The following ZNF468 variants were observed in gnomAD, a reference collection of about 807,000 sequenced individuals.
ZNF468 encodes the protein zinc finger protein 468, also known as zinc finger protein ZNF468.
In ZNF468, 8 loss-of-function variants were observed where a neutral mutation model predicts 7.2. The ratio of observed to expected loss-of-function variants is 1.11; its 90% confidence interval spans 0.65 to 2.01. The LOEUF (loss-of-function observed/expected upper bound fraction) is 2.01, where lower values mean the gene tolerates loss of function less well. Ranked by LOEUF, ZNF468 falls within the 30% of genes most tolerant of loss-of-function variation. The probability of loss-of-function intolerance (pLI) is 0.00; values close to 1 mark genes in which losing one functional copy is unlikely to be tolerated. For missense variants in ZNF468, 608 were observed against 626.5 expected (o/e 0.97, Z 0.31); for synonymous variants, 218 against 214.4 (o/e 1.02, Z -0.15).
chr19:52,851,035 G>A lies in ZNF468; in HGVS notation c.16-1822C>T, dbSNP rs144255596. Among the ~76,000 whole-genome samples, 419 of 152,108 alleles carry A rather than the reference G, an allele frequency of 2.8e-3. 1 individual carries two copies. The highest frequency in any genetic ancestry group is 2.8e-3 in the Non-Finnish European group (188 of 68,028). ...TGTCTGTAATCCCAGAATTCTGTGCGACTGAAGCAGACAGATCACCTGAGG... is the reference window on the plus strand; with the variant it reads ...TGTCTGTAATCCCAGAATTCTGTGCAACTGAAGCAGACAGATCACCTGAGG... On this transcript the variant is annotated intron_variant, in intron 2 of 3. Transcript: ENST00000595646.
chr19:52,841,907 C>T lies in ZNF468; in HGVS notation c.387G>A (p.Arg129=), dbSNP rs373657914. Residue 129 remains arginine (R), a synonymous_variant, in exon 4 of 4, where the codon AGG becomes AGA. Transcript: ENST00000595646. ...CTTTAATACGCTTGTTTCCAGCATG[C>T]CTTTGATCATGTTGGCCTGTACTAC... ...LAGSTGQHDQ[R]HAGNKRIKDQ... The T allele has an allele frequency of 4.5e-5, 72 of 1,613,934 alleles. No individual in the cohort carries two copies. The highest frequency in any genetic ancestry group is 1.6e-4 in the Middle Eastern group (1 of 6,084).
Position 52,841,619 on chromosome 19 carries a change from AT to A in ZNF468, c.674del (p.Asn225IlefsTer6). 1 of 1,614,002 alleles carries A rather than the reference AT, an allele frequency of 6.2e-7. No homozygotes were observed. Among genetic ancestry groups the A allele is most frequent in the African/African-American group, 1.3e-5 (1 of 75,004 alleles). On this transcript the variant is annotated frameshift_variant, in exon 4 of 4. Transcript: ENST00000595646. LOFTEE classifies it low-confidence loss of function (END_TRUNC). ...FECIQSFKSFNCSSLLKKHQI... is the reference protein window; with the variant it reads ...FECIQSFKSFXCSSLLKKHQI... ...GATGTTTTTTTAAGAGTGAGCTGCA[AT>A]TAAAGGATTTGAAGCTCTGTATACA...
chr19:52,843,855 C>A (rs1218720519), intron 3 of ZNF468, among the ~76,000 whole-genome samples: 2 of 152,154 alleles, frequency 1.3e-5, no homozygotes, highest in Non-Finnish European at 2.9e-5. Flanking sequence ...GGTGCAGTGG[C>A]ACATGCCTGT....
intron 2 of ZNF468, among the ~76,000 whole-genome samples, chr19:52,850,190 A>C (rs1315861319): frequency 6.6e-6 from 1 of 152,168 alleles, no homozygotes; most frequent in Non-Finnish European, 1.5e-5. Context: ...GTTTAATGAA[A>C]GAGGAATCTC....
chr19:52,843,386 C>A (rs1046134293), intron 3 of ZNF468, among the ~76,000 whole-genome samples: 2 of 151,968 alleles, frequency 1.3e-5, no homozygotes, highest in African/African-American at 4.8e-5. Flanking sequence ...GCATGTGCCA[C>A]CATGCCCAGC....
chr19:52,845,707 G>A (rs1270626218), intron 3 of ZNF468, among the ~76,000 whole-genome samples: 1 of 151,606 alleles, frequency 6.6e-6, no homozygotes, highest in African/African-American at 2.4e-5. Context: ...CTCCAGTAAA[G>A]GTAAATAAAA....
intron 2 of ZNF468, among the ~76,000 whole-genome samples, chr19:52,852,824 A>C (rs1177974345): frequency 6.6e-6 from 1 of 151,286 alleles, no homozygotes; most frequent in Admixed American, 6.6e-5. Flanking sequence ...AAGTAAAGTA[A>C]AAAAATATAT....
At chr19:52,842,395 C>G (rs61425250) in intron 3 of ZNF468, among the ~76,000 whole-genome samples, 1 of 151,666 alleles carries the variant, frequency 6.6e-6, no homozygotes, top group Admixed American at 6.6e-5. Flanking sequence ...GGCACAAACA[C>G]GTGTGAGTCT....
intron 1 of ZNF468, among the ~76,000 whole-genome samples, 166 bp from the exon 2 acceptor site, chr19:52,854,511 G>A (rs8113354): frequency 0.018 from 2,745 of 152,088 alleles, 103 homozygotes; most frequent in African/African-American, 0.063. Context: ...TCTCCTCCTG[G>A]AGAAGCCCAC....
In ZNF468 at chr19:52,838,423, C is replaced by T. The variant is rs556897340; in HGVS notation, c.*2302G>A. On this transcript the variant is annotated 3_prime_UTR_variant, in exon 4 of 4. Coordinates refer to ENST00000595646, the MANE Select transcript of ZNF468 (RefSeq NM_001008801.2). ...CAATCAGGGAAAACGGAATGCTTTTCCTGTAGGATCTCACATGATGCAAGA... is the reference window on the plus strand; with the variant it reads ...CAATCAGGGAAAACGGAATGCTTTTTCTGTAGGATCTCACATGATGCAAGA... 1 of 152,302 alleles carries T rather than the reference C, an allele frequency of 6.6e-6. No homozygotes were observed. Among genetic ancestry groups the T allele is most frequent in the Admixed American group, 6.5e-5 (1 of 15,300 alleles). The allele number at this position is 152,302 out of a possible 1,614,324, so 9.4% of individuals were successfully genotyped here. A position where few individuals can be genotyped will look rare whatever the true frequency, so the allele number is the denominator to read the frequency against.
At chr19:52,848,262 C>T (rs1196919548) in intron 3 of ZNF468, among the ~76,000 whole-genome samples, 1 of 152,034 alleles carries the variant, frequency 6.6e-6, no homozygotes, top group Non-Finnish European at 1.5e-5. Flanking sequence ...TCCTTTGCTC[C>T]AATATGGAGA....
intron 1 of ZNF468, among the ~76,000 whole-genome samples, chr19:52,856,637 T>C (rs922487611): frequency 5.6e-5 from 8 of 142,962 alleles, no homozygotes; most frequent in Non-Finnish European, 7.9e-5. Context: ...CGGCTCCACA[T>C]CCCTCCTCCT....
rs781265507 is a variant in ZNF468, at chr19:52,841,451, A to T, written c.843T>A (p.Gly281=). The change falls in exon 4 of 4, where the codon GGT becomes GGA. Residue 281 remains glycine, a synonymous_variant. Transcript: ENST00000595646. ...TGTGAATGAAGAGGGATGAATTATG[A>T]CCAAAGGTCTTGCCACACTCATTAC... ...YKCNECGKTF[G]HNSSLFIHKA... is the part of the protein sequence containing the mutation. The T allele has an allele frequency of 1.4e-5, 23 of 1,614,030 alleles. No homozygotes were observed. Among genetic ancestry groups the T allele is most frequent in the Non-Finnish European group, 1.9e-5 (22 of 1,179,964 alleles).
chr19:52,852,858 G>A (rs1318956162), intron 2 of ZNF468, among the ~76,000 whole-genome samples: 1 of 133,464 alleles, frequency 7.5e-6, no homozygotes, highest in Non-Finnish European at 1.6e-5. Flanking sequence ...AATTTACAAT[G>A]GAATTTTTTT....
In ZNF468 at chr19:52,838,819, C is replaced by T. The variant is rs2063269667; in HGVS notation, c.*1906G>A. 1 of 152,030 alleles carries T rather than the reference C, an allele frequency of 6.6e-6. No homozygotes were observed. The highest frequency in any genetic ancestry group is 1.5e-5 in the Non-Finnish European group (1 of 67,998). 9.4% of individuals were successfully genotyped at this position (152,030 alleles called of 1,614,324 possible). A position where few individuals can be genotyped will look rare whatever the true frequency, so the allele number is the denominator to read the frequency against. ...TACCTTGAAATCTATAAACATTGAT[C>T]AAAATGATTAAAAACATGTATAAAT... is the stretch of plus-strand genomic sequence containing the variant. On this transcript the variant is annotated 3_prime_UTR_variant, in exon 4 of 4. Coordinates refer to ENST00000595646, the MANE Select transcript of ZNF468 (RefSeq NM_001008801.2).
Position 52,840,724 on chromosome 19 carries a change from A to G in ZNF468, c.*1T>C. 6.2e-7 allele frequency: 1 copy of G among 1,613,338 alleles called. No individual in the cohort carries two copies. Among genetic ancestry groups the G allele is most frequent in the Non-Finnish European group, 8.5e-7 (1 of 1,179,750 alleles). On this transcript the variant is annotated 3_prime_UTR_variant, in exon 4 of 4. Transcript: ENST00000595646. ...AAGGTCTTGCCACACTCATTACACT[A>G]TTAAGGCTTCTCTCCACTATGAAGC... is the stretch of plus-strand genomic sequence containing the variant.
intron 1 of ZNF468, among the ~76,000 whole-genome samples, chr19:52,854,740 T>C (rs1600537034): frequency 6.6e-6 from 1 of 151,394 alleles, no homozygotes; most frequent in Admixed American, 6.6e-5. Flanking sequence ...AATACAAAAA[T>C]TGGGCCGGGC....
Position 52,841,009 on chromosome 19 carries a change from G to T in ZNF468, c.1285C>A (p.His429Asn). 6.2e-7 allele frequency: 1 copy of T among 1,613,080 alleles called. No individual in the cohort carries two copies. Among genetic ancestry groups the T allele is most frequent in the Admixed American group, 1.7e-5 (1 of 59,820 alleles). ...TTCTCTCCAGTATGAATCCTCCTGT[G>T]TCTTTCCAGGTTTGATTTGCGACTG... ...VFSRKSNLER[H>N]RRIHTGEKPY... is the part of the protein sequence containing the mutation. Residue 429 changes from histidine to asparagine, a missense_variant, in exon 4 of 4, where the codon CAC (histidine) becomes AAC (asparagine). Physicochemically the swap from His to Asn is moderately conservative, Grantham distance 68. Transcript: ENST00000595646.
chr19:52,851,301 G>A (rs2063388155), intron 2 of ZNF468, among the ~76,000 whole-genome samples: 1 of 151,618 alleles, frequency 6.6e-6, no homozygotes. Context: ...AAAAAGCTGG[G>A]TGAGGTGGCT....
Sources: allele counts gnomAD v4.1 joint callset (sites outside exome capture counted in the v4.1 genomes callset), GRCh38; gene constraint gnomAD v4.1.1; transcripts MANE v1.5; gene names NCBI Gene and HGNC (gene_info 2026-07-23, HGNC 2026-07-21).